PCDHGB4: variants seen among roughly 807,000 people sequenced by gnomAD.
The protein encoded by PCDHGB4 is protocadherin gamma-B4.
A neutral mutation model predicts 60.5 loss-of-function variants in PCDHGB4; 38 were observed. The ratio of observed to expected loss-of-function variants is 0.63; its 90% CI spans 0.48 to 0.82. PCDHGB4 has a LOEUF of 0.82. PCDHGB4 is among the 40% of genes least tolerant of loss of function. The pLI, the probability that PCDHGB4 is intolerant of heterozygous loss-of-function variation, is 0.00. For missense variants in PCDHGB4, 1,109 were observed against 1,209.6 expected (o/e 0.92, Z 1.23); for synonymous variants, 456 against 509.7 (o/e 0.89, Z 1.42).
intron 1 of PCDHGB4, chr5:141,427,786 C>G: frequency 1.4e-6 from 2 of 1,477,082 alleles, no homozygotes; most frequent in Non-Finnish European, 1.9e-6. Flanking sequence ...GCACTGTCGT[C>G]CTACGTGTCC....
At chr5:141,501,987 G>A (rs1462571527) in intron 2 of PCDHGB4, among the ~76,000 whole-genome samples, 2 of 152,016 alleles carry the variant, frequency 1.3e-5, no homozygotes, top group Non-Finnish European at 2.9e-5. Flanking sequence ...TGGTCCCGTT[G>A]TCTCCCTGAC....
chr5:141,393,115 G>C (rs1342924521), intron 1 of PCDHGB4: 42 of 1,613,320 alleles, frequency 2.6e-5, no homozygotes, highest in Non-Finnish European at 3.6e-5. Context: ...CAGAGCCCGC[G>C]GTGTCTGATA....
chr5:141,427,377 A>C, intron 1 of PCDHGB4: 1 of 458,500 alleles, frequency 2.2e-6, no homozygotes, highest in Non-Finnish European at 4.4e-6. Flanking sequence ...GACGGTGATC[A>C]CTCTGTTCAA....
Position 141,476,657 on chromosome 5 carries a change from G to A in PCDHGB4, c.2398-18150G>A, listed in dbSNP as rs759887729. On this transcript the variant is annotated intron_variant, in intron 1 of 3. Coordinates refer to ENST00000519479, the MANE Select transcript of PCDHGB4 (RefSeq NM_003736.4). This position sits in a 1 kb window ranked among gnomAD's most constrained non-coding sequence, Gnocchi z 7.6. ...TGAGCTGAGCCGAAATGAATACTTTGCGCTTCGCGTGCAGACGCGGGAGGA... is the reference window on the plus strand; with the variant it reads ...TGAGCTGAGCCGAAATGAATACTTTACGCTTCGCGTGCAGACGCGGGAGGA... 1.9e-6 allele frequency: 3 copies of A among 1,614,140 alleles called. No homozygotes were observed. Among genetic ancestry groups the A allele is most frequent in the Non-Finnish European group, 2.5e-6 (3 of 1,180,060 alleles).
At position 141,476,209 on chromosome 5, in the gene PCDHGB4, G is replaced by A. The variant is rs749576231; in HGVS notation, c.2398-18598G>A. ...TTGGTGCCTTGAACAAGGCTTCCAC[G>A]GTCATTCACTATGAGATCCCGGAGG... On this transcript the variant is annotated intron_variant, in intron 1 of 3. Coordinates refer to ENST00000519479, the MANE Select transcript of PCDHGB4 (RefSeq NM_003736.4). The surrounding 1 kb of genome is among the most constrained non-coding windows in gnomAD (Gnocchi z 7.6). The A allele has an allele frequency of 3.1e-6, 5 of 1,613,974 alleles. No individual in the cohort carries two copies. Among genetic ancestry groups the A allele is most frequent in the Admixed American group, 1.7e-5 (1 of 60,014 alleles).
chr5:141,471,338 A>G (rs1562030662), intron 1 of PCDHGB4: 1 of 152,234 alleles, frequency 6.6e-6, no homozygotes, highest in Non-Finnish European at 1.5e-5. Context: ...GGTATGATCC[A>G]CTGCGCCCGG....
intron 1 of PCDHGB4, chr5:141,408,333 G>T (rs746692686): frequency 3.7e-6 from 6 of 1,613,924 alleles, no homozygotes; most frequent in Admixed American, 3.3e-5. Flanking sequence ...CTGGCCAAGG[G>T]CTCGGTGGTG....
rs768907590 is a variant in PCDHGB4, at chr5:141,422,045, G to C, written c.2397+31764G>C. Reference sequence around the variant, plus strand: ...GTTAATGCAACGGATCCAGACGAGGGAATCAACGGGGAAGTAATGTATTCA... The same window carrying C: ...GTTAATGCAACGGATCCAGACGAGGCAATCAACGGGGAAGTAATGTATTCA... On this transcript the variant is annotated intron_variant, in intron 1 of 3. Transcript: ENST00000519479. 1.5e-5 allele frequency: 24 copies of C among 1,611,434 alleles called. No individual in the cohort carries two copies. The Admixed American group carries it at 3.9e-4, about 26-fold the overall frequency.
chr5:141,490,945 C>T lies in PCDHGB4; in HGVS notation c.2398-3862C>T, dbSNP rs2099706308. On this transcript the variant is annotated intron_variant, in intron 1 of 3. Transcript: ENST00000519479. This position sits in a 1 kb window ranked among gnomAD's most constrained non-coding sequence, Gnocchi z 5.4. ...TGCCCCAGCTGTGCTGCACCCACGG[C>T]CAGACTGGGAACACTCAGCCCCCCA... The T allele has an allele frequency of 6.2e-7, 1 of 1,613,434 alleles. No homozygotes were observed. Among genetic ancestry groups the T allele is most frequent in the South Asian group, 1.1e-5 (1 of 91,010 alleles).
intron 3 of PCDHGB4, among the ~76,000 whole-genome samples, chr5:141,509,164 C>A (rs1454864362): frequency 6.6e-6 from 1 of 152,188 alleles, no homozygotes; most frequent in Non-Finnish European, 1.5e-5. Context: ...TCCCGTGTGC[C>A]CTCCTCCTCT....
chr5:141,483,013 A>C (rs2154579792), intron 1 of PCDHGB4, among the ~76,000 whole-genome samples: 1 of 152,106 alleles, frequency 6.6e-6, no homozygotes, highest in Middle Eastern at 3.4e-3. Flanking sequence ...TGAACCCGGG[A>C]GGCAGAGGTT....
At chr5:141,442,466 A>T (rs1270035223) in intron 1 of PCDHGB4, 1 of 152,254 alleles carries the variant, frequency 6.6e-6, no homozygotes, top group African/African-American at 2.4e-5. Flanking sequence ...TTCACTGCAG[A>T]AAGCCCCTTG....
Position 141,490,732 on chromosome 5 carries a change from G to A in PCDHGB4, c.2398-4075G>A, listed in dbSNP as rs775388969. 6.2e-6 allele frequency: 10 copies of A among 1,614,188 alleles called. No homozygotes were observed. The highest frequency in any genetic ancestry group is 8.5e-6 in the Non-Finnish European group (10 of 1,180,042). ...CACCTACTCCATTGTAGGAAATCAG[G>A]TTCAGGGAGCCCCAGCCTCCTCCTT... On this transcript the variant is annotated intron_variant, in intron 1 of 3. Transcript: ENST00000519479. This position sits in a 1 kb window ranked among gnomAD's most constrained non-coding sequence, Gnocchi z 5.4.
chr5:141,460,924 A>ATG (rs1333352687), intron 1 of PCDHGB4, among the ~76,000 whole-genome samples: 26 of 150,590 alleles, frequency 1.7e-4, no homozygotes, highest in South Asian at 6.3e-4. Flanking sequence ...ATATATATAT[A>ATG]TGTGTGTGTG....
Position 141,485,575 on chromosome 5 carries a change from G to C in PCDHGB4, c.2398-9232G>C, listed in dbSNP as rs1200831125. On this transcript the variant is annotated intron_variant, in intron 1 of 3. Coordinates refer to ENST00000519479, the MANE Select transcript of PCDHGB4 (RefSeq NM_003736.4). This position sits in a 1 kb window ranked among gnomAD's most constrained non-coding sequence, Gnocchi z 5.7. ...TGAATGATCACGCCCCCCGTTTTCC[G>C]CGGCAGCAGCTGGACTTGGAAATTG... 2 of 1,612,496 alleles carry C rather than the reference G, an allele frequency of 1.2e-6. No homozygotes were observed. The highest frequency in any genetic ancestry group is 2.7e-5 in the African/African-American group (2 of 74,918).
chr5:141,408,243 G>A lies in PCDHGB4; in HGVS notation c.2397+17962G>A, dbSNP rs372221747. ...GCGCAGAGGCGCCGGGCCGGCCCGC[G>A]GCAGGTGCTATTTCCTTTGCTGCTG... On this transcript the variant is annotated intron_variant, in intron 1 of 3. Transcript: ENST00000519479. 7 of 1,583,996 alleles carry A rather than the reference G, an allele frequency of 4.4e-6. 1 individual carries two copies. The highest frequency in any genetic ancestry group is 5.2e-6 in the Non-Finnish European group (6 of 1,164,814).
chr5:141,403,649 T>A, intron 1 of PCDHGB4: 7 of 1,613,874 alleles, frequency 4.3e-6, no homozygotes, highest in Non-Finnish European at 5.9e-6. Flanking sequence ...TGTGACAGTG[T>A]TGGATACAAA....
At position 141,487,760 on chromosome 5, in the gene PCDHGB4, G is replaced by T; in HGVS notation, c.2398-7047G>T. On this transcript the variant is annotated intron_variant, in intron 1 of 3. Transcript: ENST00000519479. The surrounding 1 kb of genome is among the most constrained non-coding windows in gnomAD (Gnocchi z 5.0). Reference sequence around the variant, plus strand: ...TGTAAGAGGTAACTATGTGGTAGACGCTGTGCTTTGTAACTGTTTCGTGAA... The same window carrying T: ...TGTAAGAGGTAACTATGTGGTAGACTCTGTGCTTTGTAACTGTTTCGTGAA... 1 of 1,545,950 alleles carries T rather than the reference G, an allele frequency of 6.5e-7. No individual in the cohort carries two copies. The highest frequency in any genetic ancestry group is 1.4e-5 in the African/African-American group (1 of 73,162).
rs775247725 is a variant in PCDHGB4, at chr5:141,393,523, A to T, written c.2397+3242A>T. The T allele has an allele frequency of 2.0e-5, 33 of 1,613,900 alleles. No individual in the cohort carries two copies. Among genetic ancestry groups the T allele is most frequent in the Middle Eastern group, 1.6e-4 (1 of 6,084 alleles). ...CACGTGACAGTGTTGGATACAAATG[A>T]CAATGCCCCGGTTTTTCCTCACCCG... is the stretch of plus-strand genomic sequence containing the variant. On this transcript the variant is annotated intron_variant, in intron 1 of 3. Transcript: ENST00000519479.
Sources: gnomAD v4.1 joint callset for allele counts (sites outside exome capture counted in the v4.1 genomes callset) on GRCh38, gnomAD v4.1.1 for gene constraint, Gnocchi (gnomAD v3.1) non-coding constraint, MANE v1.5 for transcripts, NCBI Gene and HGNC (gene_info 2026-07-23, HGNC 2026-07-21) for gene names.